MOSPD2: variants seen among roughly 807,000 people sequenced by gnomAD.
MOSPD2 encodes motile sperm domain-containing protein 2.
A neutral mutation model predicts 41.7 loss-of-function variants in MOSPD2; 5 were observed. The observed-to-expected ratio is 0.12, with a 90% CI of 0.06 to 0.25. The LOEUF (loss-of-function observed/expected upper bound fraction) is 0.25, where lower values mean the gene tolerates loss of function less well. Ranked by LOEUF, MOSPD2 falls within the 10% of genes least tolerant of loss-of-function variation. MOSPD2 has a pLI of 1.00. For synonymous variants in MOSPD2, 115 were observed against 126.9 expected, an observed-to-expected ratio of 0.91 and a Z score of 0.63; for missense variants, 282 against 375.2, an observed-to-expected ratio of 0.75 and a Z score of 2.05.
At chrX:14,887,839 TG>T (rs1406349841) in intron 2 of MOSPD2, among the ~76,000 whole-genome samples, 2 of 111,332 alleles carry the variant, frequency 1.8e-5, no homozygotes, top group Non-Finnish European at 1.9e-5. Context: ...TAATACTGTG[TG>T]TTCCTAGAGA....
At chrX:14,891,119 G>A (rs1373500467) in intron 2 of MOSPD2, among the ~76,000 whole-genome samples, 2 of 112,001 alleles carry the variant, frequency 1.8e-5, no homozygotes, top group African/African-American at 3.2e-5. Flanking sequence ...GTATTTCAAG[G>A]TAAAAGTGGT....
intron 2 of MOSPD2, among the ~76,000 whole-genome samples, chrX:14,877,783 C>T (rs953775488): frequency 5.7e-5 from 6 of 105,420 alleles, no homozygotes; most frequent in Non-Finnish European, 9.8e-5. Context: ...ACCATCCTGG[C>T]GAACACGGTG....
chrX:14,901,781 A>G (rs1192813629), intron 6 of MOSPD2, among the ~76,000 whole-genome samples: 1 of 110,690 alleles, frequency 9.0e-6, no homozygotes, highest in Non-Finnish European at 1.9e-5. Context: ...CTTATGGACA[A>G]AATGAAAAAA....
rs191551909 is a variant in MOSPD2 at position 14,903,666 on chromosome X, C to T, written c.577+662C>T. Among the ~76,000 whole-genome samples the T allele has an allele frequency of 1.7e-4, 19 of 112,299 alleles. 1 individual carries two copies. In the East Asian group the frequency reaches 5.3e-3, roughly 31 times the overall value. ...ATGTTATTTTCAGAATGTACATTCT[C>T]ATTTGTGTTTGCAAAAGTCAGTTGT... On this transcript the variant is annotated intron_variant, in intron 7 of 14. Coordinates refer to ENST00000380492, the MANE Select transcript of MOSPD2 (RefSeq NM_152581.4).
chrX:14,918,582 T>C (rs2092604134), intron 13 of MOSPD2, 98 bp from the exon 14 acceptor site: 1 of 556,407 alleles, frequency 1.8e-6, no homozygotes, highest in Non-Finnish European at 2.8e-6. Context: ...TTTACCTCTG[T>C]TACATAGACT....
intron 2 of MOSPD2, among the ~76,000 whole-genome samples, chrX:14,878,390 T>G (rs1405917109): frequency 2.7e-5 from 3 of 112,515 alleles, no homozygotes; most frequent in African/African-American, 9.7e-5. Flanking sequence ...CGTTGTTATT[T>G]CTTAACTGAT....
chrX:14,920,146 T>C lies in MOSPD2; in HGVS notation c.*337T>C. On this transcript the variant is annotated 3_prime_UTR_variant, in exon 15 of 15. Coordinates refer to ENST00000380492, the MANE Select transcript of MOSPD2 (RefSeq NM_152581.4). ...TATCGTGTAAATACATTAGCTAAACTGAAAAGTATAAGTAACATGCTTTGT... is the reference window on the plus strand; with the variant it reads ...TATCGTGTAAATACATTAGCTAAACCGAAAAGTATAAGTAACATGCTTTGT... 1 of 752,250 alleles carries C rather than the reference T, an allele frequency of 1.3e-6. No homozygotes were observed. Among genetic ancestry groups the C allele is most frequent in the African/African-American group, 2.3e-5 (1 of 44,185 alleles). The allele number at this position is 752,250 out of a possible 1,213,427, so 62.0% of individuals were successfully genotyped here.
rs1172627582 is a variant in MOSPD2 at position 14,920,600 on chromosome X, G to A, written c.*791G>A. 1.7e-5 allele frequency: 13 copies of A among 751,449 alleles called. No homozygotes were observed. The highest frequency in any genetic ancestry group is 2.3e-5 in the African/African-American group (1 of 42,974). The allele number at this position is 751,449 out of a possible 1,213,427, so 61.9% of individuals were successfully genotyped here. ...AGTTTCATGTTGTCCACTATAGCTGGACACTGAACCTTTTGCCTAATTTAT... is the reference window on the plus strand; with the variant it reads ...AGTTTCATGTTGTCCACTATAGCTGAACACTGAACCTTTTGCCTAATTTAT... On this transcript the variant is annotated 3_prime_UTR_variant, in exon 15 of 15. Transcript: ENST00000380492.
chrX:14,911,613 G>A (rs1285435958), intron 9 of MOSPD2, among the ~76,000 whole-genome samples, 200 bp downstream of exon 9: 2 of 112,138 alleles, frequency 1.8e-5, no homozygotes, highest in East Asian at 2.8e-4. Context: ...CCAGGCCAGG[G>A]CCTGTGTCTT....
rs751972427 is a variant in MOSPD2, at chrX:14,920,628, T to C, written c.*819T>C. On this transcript the variant is annotated 3_prime_UTR_variant, in exon 15 of 15. Coordinates refer to ENST00000380492, the MANE Select transcript of MOSPD2 (RefSeq NM_152581.4). Reference sequence around the variant, plus strand: ...ACTGAACCTTTTGCCTAATTTATTATAAAGGCCTGACCCTCTATTGTCCCA... The same window carrying C: ...ACTGAACCTTTTGCCTAATTTATTACAAAGGCCTGACCCTCTATTGTCCCA... 1.3e-6 allele frequency: 1 copy of C among 751,667 alleles called. No homozygotes were observed. Among genetic ancestry groups the C allele is most frequent in the East Asian group, 1.5e-4 (1 of 6,582 alleles). 61.9% of individuals were successfully genotyped at this position (751,667 alleles called of 1,213,427 possible).
intron 12 of MOSPD2, 66 bp from the exon 13 acceptor site, chrX:14,916,130 AC>A (rs1235448525): frequency 8.4e-7 from 1 of 1,193,726 alleles, no homozygotes; most frequent in Non-Finnish European, 1.1e-6. Flanking sequence ...AATGCTTTAA[AC>A]CACATGCATA....
chrX:14,888,329 A>G (rs2092546617), intron 2 of MOSPD2, among the ~76,000 whole-genome samples: 1 of 109,683 alleles, frequency 9.1e-6, no homozygotes, highest in African/African-American at 3.3e-5. Flanking sequence ...AACTCCCACA[A>G]TTCCCATGTG....
At chrX:14,886,656 T>C (rs2092542155) in intron 2 of MOSPD2, among the ~76,000 whole-genome samples, 1 of 110,966 alleles carries the variant, frequency 9.0e-6, no homozygotes, top group Admixed American at 9.6e-5. Context: ...ACAGAATAAG[T>C]TTGCCAGCTC....
intron 6 of MOSPD2, among the ~76,000 whole-genome samples, chrX:14,901,993 T>C (rs867470598): frequency 5.9e-5 from 6 of 102,013 alleles, no homozygotes; most frequent in African/African-American, 6.7e-5. Flanking sequence ...CACACACACA[T>C]ATATATATAT....
chrX:14,884,347 TA>T (rs1249617269), intron 2 of MOSPD2, among the ~76,000 whole-genome samples: 1 of 111,263 alleles, frequency 9.0e-6, no homozygotes, highest in Non-Finnish European at 1.9e-5. Context: ...GAAATGGAGG[TA>T]AAGTATTACA....
chrX:14,890,780 C>T (rs1042158180), intron 2 of MOSPD2, among the ~76,000 whole-genome samples: 2 of 111,709 alleles, frequency 1.8e-5, no homozygotes, highest in Non-Finnish European at 3.8e-5. Flanking sequence ...GCTATTATCT[C>T]TGAGGACCTG....
chrX:14,914,648 G>A lies in MOSPD2; in HGVS notation c.1089+49G>A, dbSNP rs757502504. 1.1e-5 allele frequency: 8 copies of A among 747,647 alleles called. No homozygotes were observed. In the African/African-American group the frequency reaches 1.7e-4, roughly 16 times the overall value. The allele number at this position is 747,647 out of a possible 1,213,427, so 61.6% of individuals were successfully genotyped here. On this transcript the variant is annotated intron_variant, in intron 11 of 14. Coordinates refer to ENST00000380492, the MANE Select transcript of MOSPD2 (RefSeq NM_152581.4). ...AATTATGTTTGAGAATTTGACATGG[G>A]AAGTGATTTTAGACATATTCTAATT...
chrX:14,883,886 A>G (rs1427656959), intron 2 of MOSPD2, among the ~76,000 whole-genome samples: 1 of 112,205 alleles, frequency 8.9e-6, no homozygotes, highest in East Asian at 2.8e-4. Context: ...TTAAAGAACC[A>G]TAAGAAAATC....
At chrX:14,888,355 G>T (rs1602026039) in intron 2 of MOSPD2, among the ~76,000 whole-genome samples, 1 of 110,370 alleles carries the variant, frequency 9.1e-6, no homozygotes, top group Admixed American at 9.7e-5. Flanking sequence ...GGAGAAACCT[G>T]GTGGGAGGTG....
Sources: allele counts gnomAD v4.1 joint callset (sites outside exome capture counted in the v4.1 genomes callset), GRCh38; gene constraint gnomAD v4.1.1; transcripts MANE v1.5; gene names NCBI Gene and HGNC (gene_info 2026-07-23, HGNC 2026-07-21).